The following SCN7A variants were observed in gnomAD, a reference collection of about 807,000 sequenced individuals.
SCN7A encodes the protein sodium channel protein type 7 subunit alpha.
In SCN7A, 138 loss-of-function variants were observed where a neutral mutation model predicts 155.2. The ratio of observed to expected loss-of-function variants is 0.89; its 90% CI spans 0.77 to 1.02. The LOEUF (loss-of-function observed/expected upper bound fraction) is 1.02, where lower values mean the gene tolerates loss of function less well. Ranked by LOEUF, SCN7A falls within the 50% of genes least tolerant of loss-of-function variation. The pLI, the probability that SCN7A is intolerant of heterozygous loss-of-function variation, is 0.00. For synonymous variants in SCN7A, 693 were observed against 649.0 expected, an observed-to-expected ratio of 1.07 and a Z score of -1.03; for missense variants, 2,058 against 1,986.6, an observed-to-expected ratio of 1.04 and a Z score of -0.68.
At chr2:166,440,149 A>G (rs1701928024) in intron 15 of SCN7A, among the ~76,000 whole-genome samples, 2 of 152,318 alleles carry the variant, frequency 1.3e-5, no homozygotes, top group African/African-American at 4.8e-5. Context: ...TTTATAGACC[A>G]GGGGTTTTCA....
chr2:166,480,853 C>T (rs2893023), intron 2 of SCN7A, among the ~76,000 whole-genome samples: 42,699 of 152,018 alleles, frequency 0.28, 6,577 homozygotes, highest in Non-Finnish European at 0.35. Context: ...TTTACGTGAA[C>T]CAATCCTATT....
At chr2:166,407,904 T>C (rs1701110232) in intron 25 of SCN7A, among the ~76,000 whole-genome samples, 1 of 151,880 alleles carries the variant, frequency 6.6e-6, no homozygotes, top group African/African-American at 2.4e-5. Context: ...CTGGTGTGTG[T>C]TGTTCCCCTT....
Position 166,406,470 on chromosome 2 carries a change from T to C in SCN7A, c.4159A>G (p.Ile1387Val). 1 of 1,612,738 alleles carries C rather than the reference T, an allele frequency of 6.2e-7. No individual in the cohort carries two copies. The highest frequency in any genetic ancestry group is 8.5e-7 in the Non-Finnish European group (1 of 1,179,282). ...GCATAGATGAACATGACCAGGAAGA[T>C]GAGAAGAATGATGTTCAATAATGCT... ...LPALLNIILLIFLVMFIYAVF... is the reference protein window; with the variant it reads ...LPALLNIILLVFLVMFIYAVF... Residue 1387 changes from isoleucine (I) to valine (V), a missense_variant, in exon 26 of 26, where the codon ATC becomes GTC. By Grantham distance (29) the Ile-to-Val change is conservative. Transcript: ENST00000643258.
chr2:166,461,706 A>T (rs939178090), intron 10 of SCN7A: 1 of 152,216 alleles, frequency 6.6e-6, no homozygotes, highest in Admixed American at 6.5e-5. Context: ...CTTTGAAACA[A>T]GACAGTGATC....
chr2:166,472,715 A>G (rs1702686996), intron 5 of SCN7A, among the ~76,000 whole-genome samples: 1 of 151,804 alleles, frequency 6.6e-6, no homozygotes, highest in Admixed American at 6.6e-5. Flanking sequence ...GTCTTATAGC[A>G]TTTGTCATGA....
rs1559088637 is a variant in SCN7A at position 166,414,261 on chromosome 2, TATAC to T, written c.3415-1144_3415-1141del. On this transcript the variant is annotated intron_variant, in intron 21 of 25. Transcript: ENST00000643258. ...ATATATGTAAATATATATAGATATATATACACACACATATATATATATATACACA... is the reference window on the plus strand; with the variant it reads ...ATATATGTAAATATATATAGATATATACACACATATATATATATATACACA... 1.1e-4 allele frequency among the ~76,000 whole-genome samples: 7 copies of T among 65,438 alleles called. 1 individual carries two copies. The highest frequency in any genetic ancestry group is 4.8e-4 in the African/African-American group (7 of 14,728). 42.9% of individuals were successfully genotyped at this position (65,438 alleles called of 152,430 possible). A position where few individuals can be genotyped will look rare whatever the true frequency, so the allele number is the denominator to read the frequency against.
rs545749647 is a variant in SCN7A at position 166,474,291 on chromosome 2, G to A, written c.288C>T (p.Ser96=). Residue 96 remains serine, a synonymous_variant, in exon 4 of 26, where the codon TCC becomes TCT. Transcript: ENST00000643258. ...NRTIFRFNAA[S]ILCTLSPFNC... ...TGAAAGGAGACAATGTACACAAGATGGAAGCCGCATTGAATCTGAAGATTG... is the reference window on the plus strand; with the variant it reads ...TGAAAGGAGACAATGTACACAAGATAGAAGCCGCATTGAATCTGAAGATTG... The A allele has an allele frequency of 2.4e-5, 37 of 1,529,200 alleles. No individual in the cohort carries two copies. The Admixed American group carries it at 5.9e-4, about 24-fold the overall frequency. The allele number at this position is 1,529,200 out of a possible 1,614,324, so 94.7% of individuals were successfully genotyped here.
At chr2:166,454,224 C>T (rs1241895797) in intron 11 of SCN7A, among the ~76,000 whole-genome samples, 2 of 152,156 alleles carry the variant, frequency 1.3e-5, no homozygotes, top group African/African-American at 2.4e-5. Flanking sequence ...ATCATTCAAA[C>T]CCTAATCACT....
At chr2:166,415,197 G>A (rs114806316) in intron 21 of SCN7A, among the ~76,000 whole-genome samples, 2,084 of 148,422 alleles carry the variant, frequency 0.014, 49 homozygotes, top group African/African-American at 0.048. Flanking sequence ...ATCCAATGGG[G>A]CAGAGACAGT....
intron 14 of SCN7A, among the ~76,000 whole-genome samples, 173 bp downstream of exon 14, chr2:166,443,330 A>C (rs1432721077): frequency 6.6e-6 from 1 of 152,184 alleles, no homozygotes; most frequent in East Asian, 1.9e-4. Flanking sequence ...GTCAAATAAC[A>C]GCATTGGAGA....
chr2:166,441,171 T>A (rs116028263), intron 15 of SCN7A: 5 of 450,020 alleles, frequency 1.1e-5, no homozygotes, highest in African/African-American at 2.0e-5. Context: ...ATAGTTCACA[T>A]CATTTTTTGT....
At chr2:166,415,128 T>C (rs1232120242) in intron 21 of SCN7A, among the ~76,000 whole-genome samples, 2 of 148,962 alleles carry the variant, frequency 1.3e-5, no homozygotes, top group Non-Finnish European at 3.0e-5. Flanking sequence ...GTGGTAAAGA[T>C]AGTTTGGGCC....
At chr2:166,470,109 A>G (rs1702620845) in intron 7 of SCN7A, among the ~76,000 whole-genome samples, 1 of 151,880 alleles carries the variant, frequency 6.6e-6, no homozygotes, top group African/African-American at 2.4e-5. Flanking sequence ...AGTCTTCAGC[A>G]TCTTCCATCA....
intron 15 of SCN7A, chr2:166,441,027 G>A (rs1294495738): frequency 3.0e-6 from 1 of 333,994 alleles, no homozygotes; most frequent in African/African-American, 2.1e-5. Context: ...TTATATTTCT[G>A]GAATTTTCCA....
chr2:166,443,018 C>T (rs573232204), intron 14 of SCN7A, among the ~76,000 whole-genome samples: 1 of 152,138 alleles, frequency 6.6e-6, no homozygotes, highest in Non-Finnish European at 1.5e-5. Context: ...AAACAATATT[C>T]TCATAACGTT....
chr2:166,425,502 T>C (rs1000680371), intron 18 of SCN7A, among the ~76,000 whole-genome samples: 2 of 152,072 alleles, frequency 1.3e-5, no homozygotes, highest in Non-Finnish European at 2.9e-5. Context: ...ATACTCTCAT[T>C]CTTGATGTCA....
Position 166,403,858 on chromosome 2 carries a change from C to T in SCN7A, c.*1722G>A, listed in dbSNP as rs1701008848. On this transcript the variant is annotated 3_prime_UTR_variant, in exon 26 of 26. Transcript: ENST00000643258. ...GATAAAGCACCAGCTGTCACATTGT[C>T]ACCAAGTTAACACTGGTTCCTCACT... 6.6e-6 allele frequency: 1 copy of T among 151,564 alleles called. No homozygotes were observed. The highest frequency in any genetic ancestry group is 2.1e-4 in the South Asian group (1 of 4,812). The allele number at this position is 151,564 out of a possible 1,614,324, so 9.4% of individuals were successfully genotyped here. A position where few individuals can be genotyped will look rare whatever the true frequency, so the allele number is the denominator to read the frequency against.
Position 166,411,402 on chromosome 2 carries a change from A to T in SCN7A, c.3607-1078T>A, listed in dbSNP as rs1701199120. On this transcript the variant is annotated intron_variant, in intron 23 of 25. Coordinates refer to ENST00000643258, the MANE Select transcript of SCN7A (RefSeq NM_002976.4). ...CTCTGTTATCAAGCGATTGTGTTCA[A>T]GTAATCCTTATTATAATTAATAATA... Among the ~76,000 whole-genome samples, 3 of 151,886 alleles carry T rather than the reference A, an allele frequency of 2.0e-5. No individual in the cohort carries two copies. The South Asian group carries it at 6.2e-4, about 32-fold the overall frequency.
At chr2:166,444,397 G>T (rs374445956) in intron 13 of SCN7A, among the ~76,000 whole-genome samples, 3 of 152,232 alleles carry the variant, frequency 2.0e-5, no homozygotes, top group East Asian at 1.9e-4. Flanking sequence ...CAGGAGTCAG[G>T]TGCCTGTTAT....
Sources: allele counts gnomAD v4.1 joint callset (sites outside exome capture counted in the v4.1 genomes callset), GRCh38; gene constraint gnomAD v4.1.1; transcripts MANE v1.5; gene names NCBI Gene and HGNC (gene_info 2026-07-23, HGNC 2026-07-21).